Variants in TRPM2 observed in about 807,000 individuals in gnomAD.
TRPM2 encodes transient receptor potential cation channel subfamily M member 2.
In TRPM2, 161 loss-of-function variants were observed where a neutral mutation model predicts 174.0. The observed-to-expected ratio is 0.93, with a 90% CI of 0.81 to 1.05. The LOEUF (loss-of-function observed/expected upper bound fraction) is 1.05, where lower values mean the gene tolerates loss of function less well. TRPM2 is among the 50% of genes least tolerant of loss of function. TRPM2 has a pLI of 0.00. For synonymous variants in TRPM2, 954 were observed against 861.3 expected, an observed-to-expected ratio of 1.11 and a Z score of -1.88; for missense variants, 2,057 against 2,038.0, an observed-to-expected ratio of 1.01 and a Z score of -0.18.
At chr21:44,435,029 G>A (rs743490) in intron 27 of TRPM2, 102 bp from the exon 28 acceptor site, 35,987 of 1,141,996 alleles carry the variant, frequency 0.032, 1,679 homozygotes, top group African/African-American at 0.17. Context: ...CCCGCTGTGC[G>A]CCGGCTCCTG....
intron 16 of TRPM2, among the ~76,000 whole-genome samples, chr21:44,403,978 A>G (rs2049747020): frequency 6.6e-6 from 1 of 151,940 alleles, no homozygotes; most frequent in African/African-American, 2.4e-5. Flanking sequence ...ACATGCACAT[A>G]CACATGCATA....
At chr21:44,429,177 T>C (rs1029906753) in intron 27 of TRPM2, among the ~76,000 whole-genome samples, 3 of 152,118 alleles carry the variant, frequency 2.0e-5, no homozygotes, top group African/African-American at 7.2e-5. Flanking sequence ...TAAAGTTTTA[T>C]AATTTTGTTC....
chr21:44,383,482 A>C (rs1397693586), intron 9 of TRPM2, among the ~76,000 whole-genome samples: 1 of 152,220 alleles, frequency 6.6e-6, no homozygotes, highest in African/African-American at 2.4e-5. Flanking sequence ...TGGGATCAGC[A>C]GGGAACTTTT....
At chr21:44,378,545 C>T (rs575426737) in intron 7 of TRPM2, among the ~76,000 whole-genome samples, 257 of 152,268 alleles carry the variant, frequency 1.7e-3, no homozygotes, top group African/African-American at 4.8e-3. Context: ...TACCCCAGGC[C>T]GATGCTCATG....
chr21:44,411,403 A>G (rs1384345993), intron 19 of TRPM2, among the ~76,000 whole-genome samples: 1 of 152,132 alleles, frequency 6.6e-6, no homozygotes, highest in East Asian at 1.9e-4. Context: ...ATTGTTAATG[A>G]CTGGTATGTA....
chr21:44,371,163 C>T (rs959259534), intron 5 of TRPM2, among the ~76,000 whole-genome samples: 4 of 152,158 alleles, frequency 2.6e-5, no homozygotes, highest in Admixed American at 1.3e-4. Flanking sequence ...CTGCCTCCAG[C>T]GTCTGGGTGC....
chr21:44,410,855 G>T (rs376718688), intron 19 of TRPM2, among the ~76,000 whole-genome samples: 1 of 76,876 alleles, frequency 1.3e-5, no homozygotes, highest in African/African-American at 4.0e-5. Flanking sequence ...AGTTTTGACC[G>T]CACTGTCTTG....
intron 22 of TRPM2, among the ~76,000 whole-genome samples, chr21:44,422,610 G>T (rs966092483): frequency 3.9e-5 from 6 of 152,216 alleles, no homozygotes; most frequent in African/African-American, 1.2e-4. Flanking sequence ...TGCAGTGGGC[G>T]CTGTGGATGA....
intron 22 of TRPM2, among the ~76,000 whole-genome samples, chr21:44,419,274 G>A (rs1407980402): frequency 6.6e-6 from 1 of 152,156 alleles, no homozygotes. Flanking sequence ...TCCTGGAGCT[G>A]GCAAGGGATG....
intron 19 of TRPM2, among the ~76,000 whole-genome samples, 154 bp downstream of exon 19, chr21:44,406,919 C>T (rs575212899): frequency 1.0e-3 from 158 of 150,806 alleles, no homozygotes; most frequent in African/African-American, 3.4e-3. Flanking sequence ...ATTCATTCCC[C>T]AGCTCCTGTG....
chr21:44,370,998 C>T (rs937835419), intron 5 of TRPM2, among the ~76,000 whole-genome samples: 34 of 152,246 alleles, frequency 2.2e-4, no homozygotes, highest in African/African-American at 7.5e-4. Flanking sequence ...GGTCTGTCTC[C>T]CGGGGCTGCT....
chr21:44,437,586 T>TAGGGGCAGGTACAGGAGTAGGGGC (rs1182077302), intron 29 of TRPM2, among the ~76,000 whole-genome samples: 3 of 151,600 alleles, frequency 2.0e-5, no homozygotes, highest in South Asian at 4.2e-4. Context: ...CATCCAGGGG[T>TAGGGGCAGGTACAGGAGTAGGGGC]AGGGGCAGGT....
intron 22 of TRPM2, chr21:44,422,140 A>C (rs1569101148): frequency 1.9e-6 from 2 of 1,050,774 alleles, no homozygotes; most frequent in Non-Finnish European, 2.7e-6. Flanking sequence ...GCCCGTACCA[A>C]GGGCCCTAGC....
At chr21:44,351,781 C>G (rs2047929560), upstream of TRPM2, among the ~76,000 whole-genome samples, 1 of 152,206 alleles carries the variant, frequency 6.6e-6, no homozygotes, top group Non-Finnish European at 1.5e-5. Context: ...GGGCTCCTGG[C>G]TGCCTCCTGC....
At chr21:44,403,936 A>G (rs1196111616) in intron 16 of TRPM2, among the ~76,000 whole-genome samples, 2 of 137,998 alleles carry the variant, frequency 1.4e-5, no homozygotes, top group Non-Finnish European at 3.1e-5. Context: ...TGTACACAAT[A>G]TACACATACA....
chr21:44,431,543 C>T (rs1490596824), intron 27 of TRPM2, among the ~76,000 whole-genome samples: 3 of 152,142 alleles, frequency 2.0e-5, no homozygotes, highest in Non-Finnish European at 4.4e-5. Context: ...GATCTTGGCT[C>T]ACTGCAACCT....
chr21:44,368,292 G>A (rs1362833074), intron 4 of TRPM2, among the ~76,000 whole-genome samples: 3 of 151,922 alleles, frequency 2.0e-5, no homozygotes, highest in African/African-American at 7.3e-5. Context: ...GCTAATTTTT[G>A]TAGAGACAAG....
intron 22 of TRPM2, among the ~76,000 whole-genome samples, chr21:44,422,040 C>T (rs1305606525): frequency 6.6e-6 from 1 of 152,236 alleles, no homozygotes; most frequent in Admixed American, 6.5e-5. Flanking sequence ...TGCTCATCCG[C>T]AGAGGGGCCT....
chr21:44,397,913 C>A, intron 13 of TRPM2, 37 bp downstream of exon 13: 1 of 1,552,588 alleles, frequency 6.4e-7, no homozygotes, highest in Non-Finnish European at 8.7e-7. Context: ...GGCCATGGCT[C>A]AGCCGTGCAT....
Sources: allele counts gnomAD v4.1 joint callset (sites outside exome capture counted in the v4.1 genomes callset), GRCh38; gene constraint gnomAD v4.1.1; transcripts MANE v1.5; gene names NCBI Gene and HGNC (gene_info 2026-07-23, HGNC 2026-07-21).